Variants in VRK2 observed in about 807,000 individuals in gnomAD.
VRK2 encodes VRK serine/threonine kinase 2.
VRK2 carries 60 observed loss-of-function variants against 57.6 expected under a neutral mutation model. The ratio of observed to expected loss-of-function variants is 1.04; its 90% confidence interval spans 0.85 to 1.29. The LOEUF (loss-of-function observed/expected upper bound fraction) is 1.29. Among genes scored for constraint, VRK2 ranks in the 50% most tolerant of loss-of-function variants. VRK2 has a pLI of 0.00. For synonymous variants in VRK2, 231 were observed against 199.2 expected (o/e 1.16, Z -1.35); for missense variants, 705 against 588.1 (o/e 1.20, Z -2.06).
At chr2:58,134,448 A>G (rs2104556035) in intron 9 of VRK2, among the ~76,000 whole-genome samples, 2 of 151,372 alleles carry the variant, frequency 1.3e-5, no homozygotes, top group Admixed American at 1.3e-4. Flanking sequence ...CGTCTCTACT[A>G]AAAATACAAA....
At chr2:57,959,970 G>A (rs1260370654) in intron 1 of VRK2, among the ~76,000 whole-genome samples, 1 of 151,186 alleles carries the variant, frequency 6.6e-6, no homozygotes, top group African/African-American at 2.4e-5. Context: ...TTGATCATCC[G>A]AGCCCTGGGG....
chr2:57,990,436 G>T (rs1320826560), intron 1 of VRK2, among the ~76,000 whole-genome samples: 1 of 152,170 alleles, frequency 6.6e-6, no homozygotes, highest in Non-Finnish European at 1.5e-5. Context: ...TGAAAGAAAA[G>T]AATTATTCAG....
intron 2 of VRK2, among the ~76,000 whole-genome samples, chr2:58,079,503 T>C (rs1048252763): frequency 2.6e-5 from 4 of 152,064 alleles, no homozygotes; most frequent in Non-Finnish European, 5.9e-5. Context: ...CATATCTTAA[T>C]TTATATTTAT....
chr2:57,926,998 T>TTGTGTG (rs57943937), intron 1 of VRK2, among the ~76,000 whole-genome samples: 1,435 of 142,804 alleles, frequency 0.01, 24 homozygotes, highest in African/African-American at 0.034. Context: ...TTTTAATTTC[T>TTGTGTG]TGTGTGTGTG....
At position 58,070,469 on chromosome 2, in the gene VRK2, G is replaced by A. The variant is rs1021352267; in HGVS notation, c.137-13620G>A. Among the ~76,000 whole-genome samples, 6 of 151,982 alleles carry A rather than the reference G, an allele frequency of 3.9e-5. No individual in the cohort carries two copies. The East Asian group carries it at 7.7e-4, about 20-fold the overall frequency. On this transcript the variant is annotated intron_variant, in intron 2 of 12. Coordinates refer to ENST00000340157, the MANE Select transcript of VRK2 (RefSeq NM_006296.7). ...TGCCTTGTGCTACACCTGTTTATTC[G>A]TCTTCCTCCCTGCCCCTAAACCTCA... is the stretch of plus-strand genomic sequence containing the variant.
upstream of VRK2, chr2:58,046,501 T>G (rs1344624910): frequency 3.0e-6 from 3 of 985,380 alleles, no homozygotes; most frequent in African/African-American, 1.7e-5. Context: ...CCTACACAAA[T>G]GCATGTCGTG....
At chr2:58,090,633 C>T (rs750741488) in intron 7 of VRK2, among the ~76,000 whole-genome samples, 1 of 152,084 alleles carries the variant, frequency 6.6e-6, no homozygotes, top group Non-Finnish European at 1.5e-5. Context: ...GATACAGCCA[C>T]TTTGGAAGAC....
intron 1 of VRK2, among the ~76,000 whole-genome samples, chr2:57,936,391 C>T (rs1036715277): frequency 1.8e-4 from 27 of 152,292 alleles, no homozygotes; most frequent in Admixed American, 1.4e-3. Flanking sequence ...AATGTATTCA[C>T]GTTTCATTTG....
chr2:57,963,879 G>T (rs1412637655), intron 1 of VRK2, among the ~76,000 whole-genome samples: 2 of 152,176 alleles, frequency 1.3e-5, no homozygotes, highest in Non-Finnish European at 1.5e-5. Context: ...AAGAGGATTT[G>T]CAAATACACC....
intron 2 of VRK2, among the ~76,000 whole-genome samples, chr2:58,029,854 T>C (rs1016821730): frequency 1.3e-5 from 2 of 152,152 alleles, no homozygotes; most frequent in Non-Finnish European, 2.9e-5. Flanking sequence ...GCACTTATCA[T>C]TGTCATTTGC....
intron 1 of VRK2, among the ~76,000 whole-genome samples, chr2:58,004,101 CTCT>C (rs1179863328): frequency 1.3e-5 from 2 of 152,164 alleles, no homozygotes; most frequent in Admixed American, 1.3e-4. Flanking sequence ...AGAATCAACT[CTCT>C]TCTTTTCTTC....
intron 12 of VRK2, among the ~76,000 whole-genome samples, chr2:58,149,226 T>C (rs2104669862): frequency 6.6e-6 from 1 of 151,854 alleles, no homozygotes; most frequent in African/African-American, 2.4e-5. Context: ...TAGATGTCTA[T>C]ACATCTTCCA....
At chr2:57,942,212 G>T (rs1011506212) in intron 1 of VRK2, among the ~76,000 whole-genome samples, 19 of 152,138 alleles carry the variant, frequency 1.2e-4, no homozygotes, top group African/African-American at 4.6e-4. Context: ...CAGAAAATGT[G>T]TTTTACTGAC....
At chr2:58,125,601 T>C (rs368510222) in intron 8 of VRK2, among the ~76,000 whole-genome samples, 1 of 151,194 alleles carries the variant, frequency 6.6e-6, no homozygotes, top group Non-Finnish European at 1.5e-5. Context: ...TGAACATTCA[T>C]TTTTATCAAA....
At chr2:58,030,894 T>C (rs1446125566) in intron 2 of VRK2, among the ~76,000 whole-genome samples, 1 of 152,054 alleles carries the variant, frequency 6.6e-6, no homozygotes, top group Non-Finnish European at 1.5e-5. Context: ...AGATACCATG[T>C]AAGAAGTGCC....
chr2:58,135,685 T>C (rs1679909613), intron 10 of VRK2, among the ~76,000 whole-genome samples: 1 of 152,180 alleles, frequency 6.6e-6, no homozygotes, highest in Non-Finnish European at 1.5e-5. Context: ...AAAAAATTTT[T>C]ATTAGCAAAG....
At chr2:58,082,054 T>TCTA (rs1397928156) in intron 2 of VRK2, among the ~76,000 whole-genome samples, 14 of 151,912 alleles carry the variant, frequency 9.2e-5, no homozygotes, top group Admixed American at 9.2e-4. Context: ...AAGAGCTTTC[T>TCTA]AGTCTATTGA....
intron 1 of VRK2, among the ~76,000 whole-genome samples, chr2:57,943,515 T>C (rs1188589968): frequency 6.6e-6 from 1 of 152,214 alleles, no homozygotes; most frequent in Non-Finnish European, 1.5e-5. Flanking sequence ...ATGGAACTTC[T>C]GGCACTTCCC....
At chr2:57,977,560 C>T (rs1049443180) in intron 1 of VRK2, among the ~76,000 whole-genome samples, 1 of 144,994 alleles carries the variant, frequency 6.9e-6, no homozygotes, top group Non-Finnish European at 1.5e-5. Flanking sequence ...GATTTTTGTA[C>T]ATTAATTCTG....
Sources: allele counts gnomAD v4.1 joint callset (sites outside exome capture counted in the v4.1 genomes callset), GRCh38; gene constraint gnomAD v4.1.1; transcripts MANE v1.5; gene names NCBI Gene and HGNC (gene_info 2026-07-23, HGNC 2026-07-21).